CCDC60: variants seen among roughly 807,000 people sequenced by gnomAD.
CCDC60 encodes coiled-coil domain containing 60.
In CCDC60, 54 loss-of-function variants were observed where a neutral mutation model predicts 63.5. The observed-to-expected ratio is 0.85, with a 90% CI of 0.68 to 1.07. The LOEUF is 1.07. CCDC60 is among the 50% of genes least tolerant of loss of function. CCDC60 has a pLI of 0.00. For missense variants in CCDC60, 651 were observed against 684.3 expected (o/e 0.95, Z 0.54); for synonymous variants, 206 against 238.8 (o/e 0.86, Z 1.27).
intron 1 of CCDC60, among the ~76,000 whole-genome samples, chr12:119,423,308 A>G (rs932315013): frequency 1.3e-5 from 2 of 152,218 alleles, no homozygotes; most frequent in African/African-American, 4.8e-5. Context: ...ATCCTTGATT[A>G]ACTTAAGGGG....
chr12:119,449,539 C>T lies in CCDC60; in HGVS notation c.170+20777C>T, dbSNP rs1566015957. Among the ~76,000 whole-genome samples, 4 of 151,872 alleles carry T rather than the reference C, an allele frequency of 2.6e-5. No homozygotes were observed. In the South Asian group the frequency reaches 8.3e-4, roughly 31 times the overall value. On this transcript the variant is annotated intron_variant, in intron 2 of 13. Transcript: ENST00000327554. ...TCAGTGTAAGAAGGTGCCATTATTA[C>T]ATGCCAAAAAAAAGGCGTGTATTTA...
intron 3 of CCDC60, among the ~76,000 whole-genome samples, chr12:119,476,282 A>T (rs1951176234): frequency 6.6e-6 from 1 of 152,176 alleles, no homozygotes. Context: ...AATTTGTTTT[A>T]TTATTGTGGT....
intron 1 of CCDC60, among the ~76,000 whole-genome samples, chr12:119,383,720 C>A (rs1329357245): frequency 6.6e-6 from 1 of 152,172 alleles, no homozygotes; most frequent in Non-Finnish European, 1.5e-5. Flanking sequence ...TTTTTAAAAA[C>A]TTGAGCTGAA....
At chr12:119,409,455 T>C (rs564144512) in intron 1 of CCDC60, among the ~76,000 whole-genome samples, 1 of 152,258 alleles carries the variant, frequency 6.6e-6, no homozygotes, top group South Asian at 2.1e-4. Flanking sequence ...TGCCTGGTTA[T>C]CTACTGAAGG....
At chr12:119,427,109 T>C (rs1467009435) in intron 1 of CCDC60, among the ~76,000 whole-genome samples, 1 of 149,918 alleles carries the variant, frequency 6.7e-6, no homozygotes, top group Non-Finnish European at 1.5e-5. Flanking sequence ...CTGTTTACTT[T>C]TTAAATCTTT....
intron 7 of CCDC60, among the ~76,000 whole-genome samples, chr12:119,509,158 C>T (rs866916451): frequency 6.6e-6 from 1 of 152,174 alleles, no homozygotes; most frequent in Non-Finnish European, 1.5e-5. Context: ...ACACCTATTG[C>T]TTTTGTCTTG....
intron 2 of CCDC60, among the ~76,000 whole-genome samples, chr12:119,458,595 G>A (rs1311679365): frequency 6.6e-6 from 1 of 152,108 alleles, no homozygotes; most frequent in Admixed American, 6.6e-5. Context: ...CTGAGAAGAG[G>A]GCTGGGAAGG....
intron 13 of CCDC60, among the ~76,000 whole-genome samples, chr12:119,531,576 C>A (rs1465772187): frequency 3.9e-5 from 6 of 151,934 alleles, no homozygotes; most frequent in Admixed American, 3.9e-4. Flanking sequence ...GAAGACGGCA[C>A]CATGAAGAGA....
intron 6 of CCDC60, among the ~76,000 whole-genome samples, chr12:119,503,625 C>T (rs770568080): frequency 1.3e-5 from 2 of 152,110 alleles, no homozygotes; most frequent in Non-Finnish European, 2.9e-5. Context: ...TGTTAAGGCC[C>T]ACAGCCTCTC....
At chr12:119,413,345 A>C (rs1956640192) in intron 1 of CCDC60, among the ~76,000 whole-genome samples, 1 of 152,166 alleles carries the variant, frequency 6.6e-6, no homozygotes, top group African/African-American at 2.4e-5. Context: ...ACTTGATTGA[A>C]AGCTATGGCA....
intron 1 of CCDC60, among the ~76,000 whole-genome samples, chr12:119,403,668 T>G (rs906373232): frequency 6.6e-6 from 1 of 151,912 alleles, no homozygotes; most frequent in Non-Finnish European, 1.5e-5. Context: ...GACTGGCCCT[T>G]TCTACCGCTC....
intron 2 of CCDC60, among the ~76,000 whole-genome samples, chr12:119,435,251 T>C (rs971202397): frequency 1.3e-5 from 2 of 152,212 alleles, no homozygotes; most frequent in Non-Finnish European, 2.9e-5. Context: ...GATGAATTAA[T>C]TATCTTGTCC....
At chr12:119,503,918 C>G (rs547594963) in intron 6 of CCDC60, among the ~76,000 whole-genome samples, 1 of 152,148 alleles carries the variant, frequency 6.6e-6, no homozygotes, top group African/African-American at 2.4e-5. Flanking sequence ...AAAGAAAACA[C>G]CAGTCTATCC....
Position 119,411,726 on chromosome 12 carries a change from GA to G in CCDC60, c.91-16954del, listed in dbSNP as rs1267172559. On this transcript the variant is annotated intron_variant, in intron 1 of 13. Coordinates refer to ENST00000327554, the MANE Select transcript of CCDC60 (RefSeq NM_178499.5). ...GGGAGAGAAAGAGGAGAGGTGGAAA[GA>G]AAGTCAGAGAGACCTTGTTTCTGAG... is the stretch of plus-strand genomic sequence containing the variant. Among the ~76,000 whole-genome samples, 4 of 152,134 alleles carry G rather than the reference GA, an allele frequency of 2.6e-5. No homozygotes were observed. The East Asian group carries it at 7.7e-4, about 29-fold the overall frequency.
intron 1 of CCDC60, among the ~76,000 whole-genome samples, chr12:119,336,631 A>C (rs1436043283): frequency 1.3e-5 from 2 of 152,182 alleles, no homozygotes; most frequent in African/African-American, 4.8e-5. Flanking sequence ...GACTTTAGAC[A>C]GGTGAATTGC....
At chr12:119,531,277 C>T (rs1204911100) in intron 13 of CCDC60, among the ~76,000 whole-genome samples, 1 of 152,168 alleles carries the variant, frequency 6.6e-6, no homozygotes, top group Non-Finnish European at 1.5e-5. Context: ...CCTGGAAACT[C>T]AGAGGCTTTG....
chr12:119,376,483 T>C (rs34161061), intron 1 of CCDC60, among the ~76,000 whole-genome samples: 29,359 of 151,812 alleles, frequency 0.19, 3,481 homozygotes, highest in Non-Finnish European at 0.27. Context: ...CAAAAATTTG[T>C]CAGGCATGGT....
chr12:119,349,249 G>T (rs1955629137), intron 1 of CCDC60, among the ~76,000 whole-genome samples: 1 of 151,830 alleles, frequency 6.6e-6, no homozygotes, highest in Admixed American at 6.6e-5. Context: ...GAGAAGCTTT[G>T]GGGGATAGAA....
chr12:119,454,822 T>A (rs1950694826), intron 2 of CCDC60, among the ~76,000 whole-genome samples: 1 of 152,230 alleles, frequency 6.6e-6, no homozygotes, highest in African/African-American at 2.4e-5. Flanking sequence ...GAAGGTGATC[T>A]AGTACTGGTA....
Sources: gnomAD v4.1 joint callset for allele counts (sites outside exome capture counted in the v4.1 genomes callset) on GRCh38, gnomAD v4.1.1 for gene constraint, MANE v1.5 for transcripts, NCBI Gene and HGNC (gene_info 2026-07-23, HGNC 2026-07-21) for gene names.